SIN3B: variants seen among roughly 807,000 people sequenced by gnomAD.
SIN3B encodes the protein SIN3 transcription regulator family member B, also known as paired amphipathic helix protein Sin3b.
SIN3B carries 19 observed loss-of-function variants against 120.2 expected under a neutral mutation model. The ratio of observed to expected loss-of-function variants is 0.16; its 90% CI spans 0.11 to 0.23. The LOEUF is 0.23. Ranked by LOEUF, SIN3B falls within the 10% of genes least tolerant of loss-of-function variation. The pLI is 1.00. For missense variants in SIN3B, 1,073 were observed against 1,573.0 expected (o/e 0.68, Z 5.38); for synonymous variants, 654 against 653.2 (o/e 1.00, Z -0.02).
chr19:16,829,643 C>T (rs1195355098), intron 1 of SIN3B, 103 bp downstream of exon 1: 10 of 1,116,446 alleles, frequency 9.0e-6, no homozygotes, highest in East Asian at 3.2e-5. Flanking sequence ...ACCTCGGCCT[C>T]CCCTCTGCAC....
At chr19:16,833,187 G>A (rs1971301290) in intron 3 of SIN3B, among the ~76,000 whole-genome samples, 1 of 152,170 alleles carries the variant, frequency 6.6e-6, no homozygotes, top group Non-Finnish European at 1.5e-5. Context: ...ATCTACTGCT[G>A]GAAGCACTTG....
At chr19:16,844,953 G>T (rs899044283) in intron 4 of SIN3B, among the ~76,000 whole-genome samples, 2 of 152,168 alleles carry the variant, frequency 1.3e-5, no homozygotes, top group Non-Finnish European at 2.9e-5. Context: ...ATGGGAGGGG[G>T]TGCTGGCGTG....
At chr19:16,852,524 G>T (rs1050209809) in intron 6 of SIN3B, among the ~76,000 whole-genome samples, 1 of 152,244 alleles carries the variant, frequency 6.6e-6, no homozygotes, top group African/African-American at 2.4e-5. Context: ...TGGGATTACA[G>T]GCGTGAGTCC....
intron 3 of SIN3B, among the ~76,000 whole-genome samples, chr19:16,834,785 C>T (rs1971324052): frequency 6.6e-6 from 1 of 152,126 alleles, no homozygotes; most frequent in Non-Finnish European, 1.5e-5. Flanking sequence ...CAGGTCCAGG[C>T]CATGACTCGC....
In SIN3B at chr19:16,875,095, T is replaced by C. The variant is rs143080056; in HGVS notation, c.2593-960T>C. On this transcript the variant is annotated intron_variant, in intron 14 of 18. Coordinates refer to ENST00000248054, the MANE Select transcript of SIN3B (RefSeq NM_001297595.2). Reference sequence around the variant, plus strand: ...TGGTTTGGTCTGGTCTGGTTTAGTTTGGTCTGATCTGGTCTGGTCTGGTTT... The same window carrying C: ...TGGTTTGGTCTGGTCTGGTTTAGTTCGGTCTGATCTGGTCTGGTCTGGTTT... 3.7e-3 allele frequency among the ~76,000 whole-genome samples: 558 copies of C among 150,156 alleles called. 8 individuals carry two copies. Among genetic ancestry groups the C allele is most frequent in the African/African-American group, 0.013 (525 of 40,684 alleles).
At chr19:16,874,841 ATTTGGTCTGGTTTGGTTTGGT>A (rs2144629441) in intron 14 of SIN3B, among the ~76,000 whole-genome samples, 1 of 107,496 alleles carries the variant, frequency 9.3e-6, no homozygotes, top group African/African-American at 3.8e-5. Flanking sequence ...GTCTGATTTG[ATTTGGTCTGGTTTGGTTTGGT>A]TTTAGTCTGG....
rs1402181870 is a variant in SIN3B, at chr19:16,829,522, C to G, written c.102C>G (p.His34Gln). 8.1e-7 allele frequency: 1 copy of G among 1,227,624 alleles called. No homozygotes were observed. The highest frequency in any genetic ancestry group is 1.0e-6 in the Non-Finnish European group (1 of 984,812). 76.0% of individuals were successfully genotyped at this position (1,227,624 alleles called of 1,614,324 possible). Residue 34 changes from histidine to glutamine, a missense_variant, in exon 1 of 19, where the codon CAC becomes CAG. This residue lies in a region of SIN3B where 395 missense variants were observed against 528.0 expected (regional missense o/e 0.75). Transcript: ENST00000248054. ...ARWGRSGSAG[H>Q]EKLPVHVEDA... is the part of the protein sequence containing the mutation. ...GGGGTCGCTCGGGCTCCGCAGGCCA[C>G]GAGAAGCTGCCGGTGCACGTGAGTG... is the stretch of plus-strand genomic sequence containing the variant.
At chr19:16,875,649 CTGGTCTGGTCTGGTCTGTT>C (rs1021551244) in intron 14 of SIN3B, among the ~76,000 whole-genome samples, 3 of 130,348 alleles carry the variant, frequency 2.3e-5, no homozygotes, top group African/African-American at 9.7e-5. Context: ...TCTGTTTGGT[CTGGTCTGGTCTGGTCTGTT>C]TGGTCTGGTC....
intron 12 of SIN3B, among the ~76,000 whole-genome samples, chr19:16,868,511 A>G (rs1466708723): frequency 6.6e-6 from 1 of 152,096 alleles, no homozygotes; most frequent in Non-Finnish European, 1.5e-5. Context: ...GTGATTGTCT[A>G]ATGGTGTGAG....
chr19:16,877,864 T>C (rs1200375864), intron 17 of SIN3B, among the ~76,000 whole-genome samples: 2 of 152,152 alleles, frequency 1.3e-5, no homozygotes, highest in Non-Finnish European at 2.9e-5. Flanking sequence ...AACCCCACGA[T>C]GCGTCAGTGG....
chr19:16,878,830 C>A lies in SIN3B; in HGVS notation c.*103C>A. 1 of 1,028,556 alleles carries A rather than the reference C, an allele frequency of 9.7e-7. No individual in the cohort carries two copies. The highest frequency in any genetic ancestry group is 1.4e-6 in the Non-Finnish European group (1 of 712,150). 63.7% of individuals were successfully genotyped at this position (1,028,556 alleles called of 1,614,324 possible). On this transcript the variant is annotated 3_prime_UTR_variant, in exon 19 of 19. Transcript: ENST00000248054. Reference sequence around the variant, plus strand: ...TCTTGAACGACGTGAGAGGCATCTCCCAGCCCCTCTGCTGCCGGACAGCGC... The same window carrying A: ...TCTTGAACGACGTGAGAGGCATCTCACAGCCCCTCTGCTGCCGGACAGCGC...
intron 8 of SIN3B, among the ~76,000 whole-genome samples, chr19:16,861,546 G>A (rs1024727165): frequency 4.6e-5 from 7 of 152,012 alleles, no homozygotes; most frequent in South Asian, 4.1e-4. Context: ...GTGAATCACC[G>A]GAGGTCAGGA....
intron 13 of SIN3B, 118 bp from the exon 14 acceptor site, chr19:16,871,111 A>C (rs2051504471): frequency 8.1e-7 from 1 of 1,238,840 alleles, no homozygotes; most frequent in African/African-American, 1.5e-5. Context: ...CAGGGGTGGC[A>C]GGTGAGGGCT....
chr19:16,865,451 G>T lies in SIN3B; in HGVS notation c.1425G>T (p.Val475=). Residue 475 remains valine, a synonymous_variant, in exon 11 of 19, where the codon GTG becomes GTT. Transcript: ENST00000248054. ...AGACGAACCTGGCCACAATCCGTGT[G>T]TTGGAAAGTGTGCAGAAGAAGCTGT... is the stretch of plus-strand genomic sequence containing the variant. The part of the protein sequence containing the change: ...VLETNLATIR[V]LESVQKKLSR... The T allele has an allele frequency of 6.2e-7, 1 of 1,611,836 alleles. No individual in the cohort carries two copies. The highest frequency in any genetic ancestry group is 1.1e-5 in the South Asian group (1 of 91,026).
At chr19:16,836,960 G>A (rs1332221115) in intron 3 of SIN3B, among the ~76,000 whole-genome samples, 1 of 152,126 alleles carries the variant, frequency 6.6e-6, no homozygotes, top group Non-Finnish European at 1.5e-5. Flanking sequence ...TTTATTCAGA[G>A]GCCCTGCTTT....
intron 8 of SIN3B, among the ~76,000 whole-genome samples, chr19:16,860,596 CTT>C (rs34628511): frequency 6.5e-4 from 86 of 131,788 alleles, no homozygotes; most frequent in African/African-American, 2.3e-3. Flanking sequence ...GTAACTGCAA[CTT>C]TTTTTTTTTT....
In SIN3B at chr19:16,869,865, G is replaced by A. The variant is rs761831913; in HGVS notation, c.2212G>A (p.Asp738Asn). 2.8e-5 allele frequency: 45 copies of A among 1,614,086 alleles called. No individual in the cohort carries two copies. Among genetic ancestry groups the A allele is most frequent in the Middle Eastern group, 1.6e-4 (1 of 6,066 alleles). ...PPPAPHKPLD[D>N]VYSLFFANNN... is the part of the protein sequence containing the mutation. ...CCCAGCCCCGCACAAGCCCCTGGAC[G>A]ATGTCTACAGCCTATTTTTTGCCAA... The change falls in exon 13 of 19, where the codon GAT becomes AAT. Residue 738 changes from aspartate (D) to asparagine (N), a missense_variant. Asp to Asn is a conservative substitution (Grantham distance 23, BLOSUM62 1). Coordinates refer to ENST00000248054, the MANE Select transcript of SIN3B (RefSeq NM_001297595.2).
In SIN3B at chr19:16,845,962, A is replaced by G. The variant is rs181978813; in HGVS notation, c.583-1008A>G. On this transcript the variant is annotated intron_variant, in intron 4 of 18. Transcript: ENST00000248054. Reference sequence around the variant, plus strand: ...CAAGTGTAAAATTTTTTGTAGCGATAGGGTCTCACTGTATTGCCCAGGCTG... The same window carrying G: ...CAAGTGTAAAATTTTTTGTAGCGATGGGGTCTCACTGTATTGCCCAGGCTG... Among the ~76,000 whole-genome samples, 321 of 152,258 alleles carry G rather than the reference A, an allele frequency of 2.1e-3. 2 individuals carry two copies. The highest frequency in any genetic ancestry group is 6.8e-3 in the Middle Eastern group (2 of 294).
chr19:16,856,319 G>A (rs553829789), intron 8 of SIN3B, among the ~76,000 whole-genome samples: 2 of 152,250 alleles, frequency 1.3e-5, no homozygotes, highest in South Asian at 2.1e-4. Context: ...CTGCACATCA[G>A]CCCTGTGACT....
Sources: allele counts gnomAD v4.1 joint callset (sites outside exome capture counted in the v4.1 genomes callset), GRCh38; gene constraint gnomAD v4.1.1; regional missense constraint gnomAD v4.1.1; transcripts MANE v1.5; gene names NCBI Gene and HGNC (gene_info 2026-07-23, HGNC 2026-07-21).